The following PRUNE2 variants were observed in gnomAD, a reference collection of about 807,000 sequenced individuals.
PRUNE2 encodes protein prune homolog 2.
Under a neutral mutation model 252.0 loss-of-function variants are expected in PRUNE2, and 164 were observed. The ratio of observed to expected loss-of-function variants is 0.65; its 90% CI spans 0.57 to 0.74. The LOEUF (loss-of-function observed/expected upper bound fraction) is 0.74. PRUNE2 is among the 30% of genes least tolerant of loss of function. The probability of loss-of-function intolerance (pLI) is 0.00; values close to 1 mark genes in which losing one functional copy is unlikely to be tolerated. For missense variants in PRUNE2, 3,495 were observed against 3,711.0 expected (o/e 0.94, Z 1.51); for synonymous variants, 1,292 against 1,350.2 (o/e 0.96, Z 0.94).
chr9:76,815,577 G>A (rs2057640548), intron 6 of PRUNE2, among the ~76,000 whole-genome samples: 1 of 152,158 alleles, frequency 6.6e-6, no homozygotes, highest in African/African-American at 2.4e-5. Context: ...CTACCTCTTA[G>A]TACTACTTCA....
At chr9:76,812,949 T>C (rs931560171) in intron 6 of PRUNE2, among the ~76,000 whole-genome samples, 1 of 152,236 alleles carries the variant, frequency 6.6e-6, no homozygotes, top group Non-Finnish European at 1.5e-5. Context: ...AAGTAAATTA[T>C]GTTAAAAGCA....
At chr9:76,873,458 G>A (rs931088506) in intron 1 of PRUNE2, among the ~76,000 whole-genome samples, 4 of 152,116 alleles carry the variant, frequency 2.6e-5, no homozygotes, top group African/African-American at 9.7e-5. Context: ...CAAAAATACA[G>A]CTGGTCCCCT....
At chr9:76,615,568 G>C (rs1829050603) in intron 18 of PRUNE2, among the ~76,000 whole-genome samples, 1 of 152,014 alleles carries the variant, frequency 6.6e-6, no homozygotes, top group Non-Finnish European at 1.5e-5. Flanking sequence ...ATTAGCAGTG[G>C]GGACTTGGCC....
intron 6 of PRUNE2, among the ~76,000 whole-genome samples, chr9:76,758,169 G>A (rs2051335804): frequency 6.6e-6 from 1 of 152,166 alleles, no homozygotes; most frequent in African/African-American, 2.4e-5. Flanking sequence ...TCCAAAAGCA[G>A]CGTTTTGTAA....
At position 76,708,118 on chromosome 9, in the gene PRUNE2, G is replaced by C. The variant is rs1175736700; in HGVS notation, c.4156C>G (p.Leu1386Val). The change falls in exon 8 of 19, where the codon CTT (leucine) becomes GTT (valine). Residue 1386 changes from leucine (L) to valine (V), a missense_variant. Leu to Val is a conservative substitution (Grantham distance 32). Coordinates refer to ENST00000376718, the MANE Select transcript of PRUNE2 (RefSeq NM_015225.3). ...ICIKSGKISSLAVTFSPQTEE... is the reference protein window; with the variant it reads ...ICIKSGKISSVAVTFSPQTEE... ...GTTTGAGGACTGAAAGTGACAGCAA[G>C]AGAGCTGATTTTGCCTGATTTAATG... is the stretch of plus-strand genomic sequence containing the variant. 1.2e-6 allele frequency: 2 copies of C among 1,613,874 alleles called. No homozygotes were observed. The highest frequency in any genetic ancestry group is 4.5e-5 in the East Asian group (2 of 44,890).
Position 76,709,897 on chromosome 9 carries a change from C to A in PRUNE2, c.2377G>T (p.Ala793Ser), listed in dbSNP as rs1376046356. 1 of 1,613,746 alleles carries A rather than the reference C, an allele frequency of 6.2e-7. No individual in the cohort carries two copies. Among genetic ancestry groups the A allele is most frequent in the Non-Finnish European group, 8.5e-7 (1 of 1,179,850 alleles). Residue 793 changes from alanine to serine, a missense_variant, in exon 8 of 19, where the codon GCT becomes TCT. By Grantham distance (99) the Ala-to-Ser change is moderately conservative (BLOSUM62 1). Transcript: ENST00000376718. The part of the protein sequence containing the change: ...GNPTDDGEPA[A>S]VAPFPAWSAF... Reference sequence around the variant, plus strand: ...CTCCAGGCTGGGAATGGCGCCACAGCTGCTGGTTCACCATCATCTGTAGGA... The same window carrying A: ...CTCCAGGCTGGGAATGGCGCCACAGATGCTGGTTCACCATCATCTGTAGGA...
intron 9 of PRUNE2, among the ~76,000 whole-genome samples, chr9:76,678,754 G>A (rs545896113): frequency 1.1e-4 from 17 of 152,306 alleles, no homozygotes; most frequent in Admixed American, 5.9e-4. Context: ...TGTGAACCTC[G>A]GAGGCGGAGC....
chr9:76,875,845 ACG>A (rs2061447625), intron 1 of PRUNE2, among the ~76,000 whole-genome samples: 1 of 152,244 alleles, frequency 6.6e-6, no homozygotes, highest in South Asian at 2.1e-4. Flanking sequence ...TCCCTTTGAC[ACG>A]TATCTCAAAC....
chr9:76,704,845 T>C lies in PRUNE2; in HGVS notation c.7429A>G (p.Ile2477Val). ...CAGTCAACGTTTGATGGAGACAAAA[T>C]GTTGGAGCCTGCTCCTACCGGCAAA... ...VYLPVGAGSN[I>V]LSPSNVDWEV... The change falls in exon 8 of 19, where the codon ATT becomes GTT. Residue 2477 changes from isoleucine (I) to valine (V), a missense_variant. Ile to Val is a conservative substitution (Grantham distance 29). Coordinates refer to ENST00000376718, the MANE Select transcript of PRUNE2 (RefSeq NM_015225.3). The C allele has an allele frequency of 1.3e-6, 2 of 1,597,202 alleles. No homozygotes were observed. The highest frequency in any genetic ancestry group is 1.7e-5 in the Admixed American group (1 of 57,640).
chr9:76,822,550 G>A (rs1278244150), intron 6 of PRUNE2, among the ~76,000 whole-genome samples: 1 of 152,218 alleles, frequency 6.6e-6, no homozygotes, highest in Non-Finnish European at 1.5e-5. Flanking sequence ...GCTCACGCCA[G>A]TAATCCCAGC....
chr9:76,735,004 A>C (rs1303268155), intron 6 of PRUNE2, among the ~76,000 whole-genome samples: 2 of 152,066 alleles, frequency 1.3e-5, no homozygotes, highest in African/African-American at 4.8e-5. Context: ...TGGAGAAAAA[A>C]GGCAAGCCCT....
chr9:76,710,804 G>A lies in PRUNE2; in HGVS notation c.1470C>T (p.His490=). 1.3e-6 allele frequency: 2 copies of A among 1,576,428 alleles called. No individual in the cohort carries two copies. The highest frequency in any genetic ancestry group is 1.2e-5 in the South Asian group (1 of 82,978). Residue 490 remains histidine, a synonymous_variant, in exon 8 of 19, where the codon CAC becomes CAT. Coordinates refer to ENST00000376718, the MANE Select transcript of PRUNE2 (RefSeq NM_015225.3). The part of the protein sequence containing the change: ...EHAWSGEHGE[H]FDLFNFDPAP... ...CTGGGTCAAAATTGAAGAGGTCGAA[G>A]TGCTCACCGTGTTCTCCAGACCATG...
chr9:76,703,553 GCCAAAGATT>G lies in PRUNE2; in HGVS notation c.8051_8059del (p.Glu2684_Leu2686del), dbSNP rs781371150. ...GACTGGACCAGAGGCTTCCTCTAGT[GCCAAAGATT>G]CTAGAGGCTTCATTTCTTCCAGAAT... On this transcript the variant is annotated inframe_deletion, in exon 9 of 19. Transcript: ENST00000376718. 1.9e-6 allele frequency: 3 copies of G among 1,613,728 alleles called. No homozygotes were observed. Among genetic ancestry groups the G allele is most frequent in the Non-Finnish European group, 2.5e-6 (3 of 1,179,828 alleles).
chr9:76,742,807 A>G (rs1442107149), intron 6 of PRUNE2, among the ~76,000 whole-genome samples: 1 of 152,238 alleles, frequency 6.6e-6, no homozygotes, highest in Non-Finnish European at 1.5e-5. Flanking sequence ...CATTTTTACT[A>G]TTATACATCT....
rs1464211726 is a variant in PRUNE2, at chr9:76,852,794, A to G, written c.141+1310T>C. ...CATGTCTTTTTATTTTTATCTAGCC[A>G]TCTGTCTGTCTGTCTATCTATCTAT... On this transcript the variant is annotated intron_variant, in intron 2 of 18. Transcript: ENST00000376718. 1.3e-4 allele frequency among the ~76,000 whole-genome samples: 13 copies of G among 99,668 alleles called. No individual in the cohort carries two copies. The East Asian group carries it at 2.9e-3, about 22-fold the overall frequency. 65.4% of individuals were successfully genotyped at this position (99,668 alleles called of 152,430 possible). A position where few individuals can be genotyped will look rare whatever the true frequency, so the allele number is the denominator to read the frequency against.
At chr9:76,851,405 G>A (rs1436169991) in intron 2 of PRUNE2, among the ~76,000 whole-genome samples, 1 of 152,038 alleles carries the variant, frequency 6.6e-6, no homozygotes, top group Non-Finnish European at 1.5e-5. Flanking sequence ...AAAATTAGCC[G>A]GGCATGGTGG....
intron 1 of PRUNE2, among the ~76,000 whole-genome samples, chr9:76,879,478 A>C (rs891318340): frequency 6.6e-6 from 1 of 152,240 alleles, no homozygotes; most frequent in Non-Finnish European, 1.5e-5. Context: ...TATTAGCAAA[A>C]TAGATTAAAA....
At chr9:76,775,488 A>C (rs894321493) in intron 6 of PRUNE2, among the ~76,000 whole-genome samples, 1 of 151,720 alleles carries the variant, frequency 6.6e-6, no homozygotes, top group Non-Finnish European at 1.5e-5. Context: ...TTTTGTAGAG[A>C]TGGGATCTCG....
Position 76,637,418 on chromosome 9 carries a change from C to T in PRUNE2, c.8963G>A (p.Arg2988Gln), listed in dbSNP as rs914981647. 30 of 1,613,212 alleles carry T rather than the reference C, an allele frequency of 1.9e-5. No homozygotes were observed. The highest frequency in any genetic ancestry group is 2.4e-5 in the Non-Finnish European group (28 of 1,179,684). The change falls in exon 14 of 19, where the codon CGG (arginine) becomes CAG (glutamine). Residue 2988 changes from arginine to glutamine, a missense_variant and splice_region_variant. Physicochemically the swap from Arg to Gln is conservative, Grantham distance 43. Transcript: ENST00000376718. ...TGATTAAATAATAGAGCCCACATAC[C>T]GTCTGTCAATCATCTGGTAGCATTT... Reference protein sequence around the residue: ...MKKCYQMIDRRLRKNLKSFII... With the variant: ...MKKCYQMIDRQLRKNLKSFII...
Sources: allele counts gnomAD v4.1 joint callset (sites outside exome capture counted in the v4.1 genomes callset), GRCh38; gene constraint gnomAD v4.1.1; transcripts MANE v1.5; gene names NCBI Gene and HGNC (gene_info 2026-07-23, HGNC 2026-07-21).